NAALADL2: variants seen among roughly 807,000 people sequenced by gnomAD.
NAALADL2 encodes inactive N-acetylated-alpha-linked acidic dipeptidase-like protein 2.
In NAALADL2, 76 loss-of-function variants were observed where a neutral mutation model predicts 87.2. The observed-to-expected ratio is 0.87, with a 90% CI of 0.72 to 1.05. NAALADL2 has a LOEUF of 1.05. Ranked by LOEUF, NAALADL2 falls within the 50% of genes least tolerant of loss-of-function variation. The pLI is 0.00. For synonymous variants in NAALADL2, 354 were observed against 331.0 expected (o/e 1.07, Z -0.75); for missense variants, 1,089 against 945.8 (o/e 1.15, Z -1.99).
chr3:175,041,931 A>T (rs944074440), intron 1 of NAALADL2, among the ~76,000 whole-genome samples: 1 of 152,176 alleles, frequency 6.6e-6, no homozygotes, highest in South Asian at 2.1e-4. Flanking sequence ...TTCTGTGTGT[A>T]TGATGGGAAC....
At chr3:174,990,102 G>C (rs1325064940) in intron 1 of NAALADL2, among the ~76,000 whole-genome samples, 1 of 152,110 alleles carries the variant, frequency 6.6e-6, no homozygotes, top group Non-Finnish European at 1.5e-5. Flanking sequence ...TTATCCATAT[G>C]ATGTATCTTG....
intron 2 of NAALADL2, among the ~76,000 whole-genome samples, chr3:175,142,960 G>T (rs1339022920): frequency 2.0e-5 from 3 of 151,856 alleles, no homozygotes; most frequent in African/African-American, 7.2e-5. Flanking sequence ...AAAAGTGTTT[G>T]TTTTAAAATA....
intron 11 of NAALADL2, among the ~76,000 whole-genome samples, chr3:175,726,677 C>T (rs1742965186): frequency 6.6e-6 from 1 of 152,114 alleles, no homozygotes; most frequent in Non-Finnish European, 1.5e-5. Flanking sequence ...TCCTTCCCAT[C>T]CTACTACCCT....
At chr3:174,514,048 C>T (rs1245735011) in intron 1 of NAALADL2, among the ~76,000 whole-genome samples, 1 of 152,116 alleles carries the variant, frequency 6.6e-6, no homozygotes, top group East Asian at 1.9e-4. Flanking sequence ...TATTTATATA[C>T]TGGAACCTAA....
chr3:175,368,471 G>C (rs1202636549), intron 5 of NAALADL2, among the ~76,000 whole-genome samples: 1 of 152,042 alleles, frequency 6.6e-6, no homozygotes, highest in South Asian at 2.1e-4. Flanking sequence ...ATTCGGCTGT[G>C]AATCCATCTG....
At chr3:174,854,668 T>A (rs1321626290), upstream of NAALADL2, among the ~76,000 whole-genome samples, 1 of 151,896 alleles carries the variant, frequency 6.6e-6, no homozygotes, top group East Asian at 1.9e-4. Flanking sequence ...CCATTATGTA[T>A]CCATAATAAT....
chr3:174,450,750 A>T (rs1715420382), intron 1 of NAALADL2, among the ~76,000 whole-genome samples: 1 of 151,672 alleles, frequency 6.6e-6, no homozygotes, highest in African/African-American at 2.4e-5. Flanking sequence ...GGCACCTGTA[A>T]TCCCAGCTAC....
At chr3:174,924,843 G>A (rs1011496070) in intron 1 of NAALADL2, among the ~76,000 whole-genome samples, 1 of 151,762 alleles carries the variant, frequency 6.6e-6, no homozygotes, top group Admixed American at 6.6e-5. Flanking sequence ...AGAGTCTGTT[G>A]GTCTGTTGGC....
rs185237656 is a variant in NAALADL2, at chr3:174,763,543, C to T, written c.-9+25797C>T. On this transcript the variant is annotated intron_variant, in intron 3 of 3. Coordinates refer to the NAALADL2 transcript ENST00000434257. ...TAGAGGTTGCAGTGAACCGAGATTG[C>T]GCCACTGCACTCCATCCTGGGCTAC... Among the ~76,000 whole-genome samples, 879 of 129,652 alleles carry T rather than the reference C, an allele frequency of 6.8e-3. 10 individuals are homozygous for T. Among genetic ancestry groups the T allele is most frequent in the Middle Eastern group, 0.017 (3 of 172 alleles). 85.1% of individuals were successfully genotyped at this position (129,652 alleles called of 152,430 possible).
At chr3:175,695,719 C>T (rs192196529) in intron 11 of NAALADL2, among the ~76,000 whole-genome samples, 1 of 152,032 alleles carries the variant, frequency 6.6e-6, no homozygotes, top group East Asian at 1.9e-4. Flanking sequence ...ATAATGCTTC[C>T]AAACATAGAT....
intron 1 of NAALADL2, among the ~76,000 whole-genome samples, chr3:174,940,922 C>T (rs112178877): frequency 0.041 from 6,274 of 151,778 alleles, 440 homozygotes; most frequent in African/African-American, 0.14. Context: ...GTCTAGCTAG[C>T]GGCCTGTCTT....
intron 1 of NAALADL2, among the ~76,000 whole-genome samples, chr3:175,024,700 A>C (rs1405490298): frequency 6.6e-6 from 1 of 150,408 alleles, no homozygotes; most frequent in East Asian, 1.9e-4. Context: ...CAGAGTGAAA[A>C]AGAGCAGTAA....
At chr3:174,934,347 G>A (rs1364843038) in intron 1 of NAALADL2, among the ~76,000 whole-genome samples, 4 of 152,088 alleles carry the variant, frequency 2.6e-5, no homozygotes, top group Admixed American at 6.6e-5. Flanking sequence ...TAACCCAGAT[G>A]ACTTTGTACT....
chr3:174,674,827 A>C (rs1726896119), intron 2 of NAALADL2, among the ~76,000 whole-genome samples: 1 of 151,992 alleles, frequency 6.6e-6, no homozygotes, highest in African/African-American at 2.4e-5. Flanking sequence ...ATGCTTAAAT[A>C]TGTTATTTAG....
intron 11 of NAALADL2, among the ~76,000 whole-genome samples, chr3:175,707,324 A>G (rs567542129): frequency 2.6e-5 from 4 of 152,268 alleles, no homozygotes; most frequent in African/African-American, 9.6e-5. Context: ...TAGATTTCAT[A>G]TAAGCTTCAA....
intron 11 of NAALADL2, among the ~76,000 whole-genome samples, chr3:175,628,960 G>GT (rs1489797479): frequency 1.3e-5 from 2 of 150,556 alleles, no homozygotes; most frequent in Admixed American, 1.3e-4. Context: ...CATTTATTAT[G>GT]TTTGGCAAAA....
chr3:175,136,278 T>C (rs1319072928), intron 2 of NAALADL2, among the ~76,000 whole-genome samples: 1 of 151,918 alleles, frequency 6.6e-6, no homozygotes, highest in Admixed American at 6.6e-5. Flanking sequence ...GAGTTTAGAG[T>C]TGACTTGAGG....
intron 2 of NAALADL2, among the ~76,000 whole-genome samples, chr3:174,565,652 T>G (rs1166558130): frequency 6.6e-6 from 1 of 152,088 alleles, no homozygotes; most frequent in Admixed American, 6.6e-5. Flanking sequence ...CAGGTTTTTG[T>G]GTGAATATGA....
chr3:174,664,403 T>C (rs1463708643), intron 2 of NAALADL2, among the ~76,000 whole-genome samples: 1 of 152,194 alleles, frequency 6.6e-6, no homozygotes, highest in Admixed American at 6.5e-5. Flanking sequence ...TACTAATGCA[T>C]AAATCATGAA....
Sources: allele counts gnomAD v4.1 joint callset (sites outside exome capture counted in the v4.1 genomes callset), GRCh38; gene constraint gnomAD v4.1.1; transcripts MANE v1.5; gene names NCBI Gene and HGNC (gene_info 2026-07-23, HGNC 2026-07-21).